Variants in PIK3C2G observed in about 807,000 individuals in gnomAD.
The protein encoded by PIK3C2G is phosphatidylinositol 3-kinase C2 domain-containing subunit gamma.
PIK3C2G carries 168 observed loss-of-function variants against 181.1 expected under a neutral mutation model. The ratio of observed to expected loss-of-function variants is 0.93; its 90% CI spans 0.82 to 1.05. PIK3C2G has a LOEUF of 1.05. Ranked by LOEUF, PIK3C2G falls within the 50% of genes least tolerant of loss-of-function variation. The pLI, the probability that PIK3C2G is intolerant of heterozygous loss-of-function variation, is 0.00. For synonymous variants in PIK3C2G, 573 were observed against 592.2 expected (o/e 0.97, Z 0.47); for missense variants, 1,869 against 1,732.8 (o/e 1.08, Z -1.40).
chr12:18,430,653 G>T (rs531397743), intron 18 of PIK3C2G, among the ~76,000 whole-genome samples: 2 of 152,240 alleles, frequency 1.3e-5, no homozygotes, highest in South Asian at 4.1e-4. Flanking sequence ...TCAACTAAGA[G>T]CTGGCCTGGC....
chr12:18,389,179 C>T (rs1476662857), intron 14 of PIK3C2G, among the ~76,000 whole-genome samples: 1 of 151,906 alleles, frequency 6.6e-6, no homozygotes, highest in Non-Finnish European at 1.5e-5. Flanking sequence ...GGTGAAACCC[C>T]GTCTCTACTA....
intron 26 of PIK3C2G, among the ~76,000 whole-genome samples, chr12:18,552,493 C>T (rs545887700): frequency 1.3e-5 from 2 of 152,044 alleles, no homozygotes; most frequent in South Asian, 2.1e-4. Flanking sequence ...TTGATACCTA[C>T]AGAAATAAAC....
intron 18 of PIK3C2G, among the ~76,000 whole-genome samples, chr12:18,453,739 AAG>A (rs75854302): frequency 2.6e-5 from 4 of 151,832 alleles, no homozygotes; most frequent in African/African-American, 9.7e-5. Context: ...TTTCAATTAA[AAG>A]AGAGAGAGAA....
chr12:18,635,456 G>A (rs1949551978), intron 31 of PIK3C2G, among the ~76,000 whole-genome samples: 1 of 152,250 alleles, frequency 6.6e-6, no homozygotes, highest in East Asian at 1.9e-4. Flanking sequence ...CATCCAATTC[G>A]TGATGGGCAA....
chr12:18,289,534 T>G (rs1385562292), intron 3 of PIK3C2G, among the ~76,000 whole-genome samples: 1 of 152,042 alleles, frequency 6.6e-6, no homozygotes, highest in Non-Finnish European at 1.5e-5. Flanking sequence ...CAATGAAGAG[T>G]GGCCCATGTC....
intron 13 of PIK3C2G, among the ~76,000 whole-genome samples, chr12:18,376,631 A>G (rs764393901): frequency 6.6e-6 from 1 of 152,178 alleles, no homozygotes; most frequent in Non-Finnish European, 1.5e-5. Context: ...AGAGTAATAT[A>G]GTTTGGATGT....
Position 18,538,166 on chromosome 12 carries a change from C to T in PIK3C2G, c.3334C>T (p.Pro1112Ser), listed in dbSNP as rs372642230. The T allele has an allele frequency of 2.3e-5, 37 of 1,610,954 alleles. No individual in the cohort carries two copies. The East Asian group carries it at 2.9e-4, about 13-fold the overall frequency. Residue 1112 changes from proline to serine, a missense_variant, in exon 25 of 33, where the codon CCT becomes TCT. By Grantham distance (74) the Pro-to-Ser change is moderately conservative (BLOSUM62 -1). Transcript: ENST00000538779. ...GTTTTTGGTTTACAGGGACCGAGCT[C>T]CTTTCATTTTTACTTCAGAGATGGA... ...TFGGIKRDRA[P>S]FIFTSEMEYF...
the PIK3C2G span, chr12:18,712,753 G>T: frequency 1.4e-6 from 2 of 1,466,522 alleles, no homozygotes; most frequent in Non-Finnish European, 1.9e-6. Flanking sequence ...ATCATCTAAA[G>T]TAAGGCTAAG....
chr12:18,374,530 A>G (rs2137903525), intron 13 of PIK3C2G, among the ~76,000 whole-genome samples: 1 of 152,306 alleles, frequency 6.6e-6, no homozygotes, highest in African/African-American at 2.4e-5. Flanking sequence ...TTACCAGGCT[A>G]CTTAGAATAG....
chr12:18,337,572 C>T (rs571865232), intron 8 of PIK3C2G, among the ~76,000 whole-genome samples: 3 of 152,260 alleles, frequency 2.0e-5, no homozygotes, highest in East Asian at 1.9e-4. Flanking sequence ...AGCTTGCAAT[C>T]ATAGCAGAAG....
intron 18 of PIK3C2G, among the ~76,000 whole-genome samples, chr12:18,456,272 C>T (rs11044127): frequency 0.15 from 23,381 of 151,932 alleles, 2,078 homozygotes; most frequent in African/African-American, 0.24. Context: ...ATTAAGGATG[C>T]GGACACACAA....
At chr12:18,572,775 T>G (rs2136383153) in intron 29 of PIK3C2G, among the ~76,000 whole-genome samples, 1 of 152,240 alleles carries the variant, frequency 6.6e-6, no homozygotes, top group South Asian at 2.1e-4. Context: ...CCTGTATTTT[T>G]TAATTATTTT....
At chr12:18,292,227 A>AAAAAAAAAAAAAAAAAATAT in intron 4 of PIK3C2G, among the ~76,000 whole-genome samples, 3 of 48,730 alleles carry the variant, frequency 6.2e-5, no homozygotes, top group East Asian at 6.8e-4. Flanking sequence ...AAAAAAAAAA[A>AAAAAAAAAAAAAAAAAATAT]ATATATATAT....
the PIK3C2G span, chr12:18,694,116 T>A: frequency 4.9e-5 from 47 of 962,456 alleles, no homozygotes; most frequent in Non-Finnish European, 7.5e-5. Flanking sequence ...ACGGCTGCCA[T>A]CAGGAAAATG....
chr12:18,387,386 C>A (rs1310095373), intron 14 of PIK3C2G, among the ~76,000 whole-genome samples: 4 of 152,156 alleles, frequency 2.6e-5, no homozygotes, highest in Admixed American at 2.6e-4. Flanking sequence ...TGACCCCTGT[C>A]CCATCGCTTC....
At chr12:18,534,903 A>G (rs1405278995) in intron 24 of PIK3C2G, among the ~76,000 whole-genome samples, 2 of 151,988 alleles carry the variant, frequency 1.3e-5, no homozygotes, top group African/African-American at 4.8e-5. Flanking sequence ...AAAACCACTA[A>G]TCTAGAAAAA....
chr12:18,460,331 T>C (rs1325611404), intron 18 of PIK3C2G, among the ~76,000 whole-genome samples: 1 of 151,954 alleles, frequency 6.6e-6, no homozygotes, highest in Admixed American at 6.6e-5. Context: ...CTCAGTACTT[T>C]GGAAGGCCAA....
At chr12:18,689,429 T>C in the PIK3C2G span, among the ~76,000 whole-genome samples, 1 of 152,320 alleles carries the variant, frequency 6.6e-6, no homozygotes, top group African/African-American at 2.4e-5. Context: ...CTTAAAACAT[T>C]ATGAGATTCT....
chr12:18,444,044 G>T (rs7975086), intron 18 of PIK3C2G, among the ~76,000 whole-genome samples: 39,944 of 152,062 alleles, frequency 0.26, 5,802 homozygotes, highest in African/African-American at 0.36. Flanking sequence ...CTTTCTTCTT[G>T]TCAATCAGAG....
Sources: allele counts gnomAD v4.1 joint callset (sites outside exome capture counted in the v4.1 genomes callset), GRCh38; gene constraint gnomAD v4.1.1; transcripts MANE v1.5; gene names NCBI Gene and HGNC (gene_info 2026-07-23, HGNC 2026-07-21).